DAGLA: variants seen among roughly 807,000 people sequenced by gnomAD.
DAGLA encodes diacylglycerol lipase-alpha.
DAGLA carries 22 observed loss-of-function variants against 102.6 expected under a neutral mutation model. The observed-to-expected ratio is 0.21, with a 90% CI of 0.15 to 0.31. DAGLA has a LOEUF of 0.31. DAGLA is among the 10% of genes least tolerant of loss of function. The probability of loss-of-function intolerance (pLI) is 1.00; values close to 1 mark genes in which losing one functional copy is unlikely to be tolerated. For missense variants in DAGLA, 927 were observed against 1,446.6 expected (o/e 0.64, Z 5.83); for synonymous variants, 578 against 628.9 (o/e 0.92, Z 1.21).
intron 2 of DAGLA, 95 bp from the exon 3 acceptor site, chr11:61,720,584 C>A (rs965856090): frequency 8.5e-7 from 1 of 1,175,606 alleles, no homozygotes; most frequent in Admixed American, 1.9e-5. Context: ...AGCCCTCCTT[C>A]CACTGAATCT....
chr11:61,715,946 G>T (rs541385259), intron 1 of DAGLA, among the ~76,000 whole-genome samples: 6 of 152,224 alleles, frequency 3.9e-5, no homozygotes, highest in Non-Finnish European at 5.9e-5. Context: ...AGCCAGAGGG[G>T]GGGGAGAGGG....
At chr11:61,738,036 CA>C in intron 15 of DAGLA, 98 bp from the exon 16 acceptor site, 1 of 954,378 alleles carries the variant, frequency 1.0e-6, no homozygotes, top group Non-Finnish European at 1.6e-6. Flanking sequence ...CTTCTTGTTC[CA>C]GGGGCTAGGC....
intron 16 of DAGLA, among the ~76,000 whole-genome samples, chr11:61,738,538 G>A (rs560017370): frequency 6.6e-6 from 1 of 152,354 alleles, no homozygotes; most frequent in East Asian, 1.9e-4. Flanking sequence ...AGGAGAAAGC[G>A]ATCTGGAGGC....
At chr11:61,681,169 A>G (rs1321707185) in intron 1 of DAGLA, among the ~76,000 whole-genome samples, 1 of 152,136 alleles carries the variant, frequency 6.6e-6, no homozygotes, top group African/African-American at 2.4e-5. Context: ...CGGGCGATGA[A>G]GGGGACACTG....
intron 15 of DAGLA, 65 bp downstream of exon 15, chr11:61,737,820 C>G (rs1456661083): frequency 2.2e-6 from 3 of 1,351,348 alleles, no homozygotes; most frequent in South Asian, 2.3e-5. Flanking sequence ...AGGCCTCTCC[C>G]CACCCCCAGC....
At chr11:61,720,923 G>A in intron 3 of DAGLA, 33 bp downstream of exon 3, 1 of 1,590,590 alleles carries the variant, frequency 6.3e-7, no homozygotes, top group Non-Finnish European at 8.6e-7. Flanking sequence ...TGCTGCCCCA[G>A]ACAACTCCCA....
intron 12 of DAGLA, among the ~76,000 whole-genome samples, 200 bp downstream of exon 12, chr11:61,736,016 A>G (rs1271263532): frequency 1.3e-5 from 2 of 152,140 alleles, no homozygotes; most frequent in African/African-American, 4.8e-5. Context: ...GAGCCTGACC[A>G]TGGAAGAACC....
intron 12 of DAGLA, 118 bp downstream of exon 12, chr11:61,735,934 C>A: frequency 9.9e-7 from 1 of 1,008,608 alleles, no homozygotes; most frequent in South Asian, 1.6e-5. Context: ...AGAGATTGGT[C>A]AGAGAGGCAT....
At chr11:61,743,376 A>G (rs919916172) in intron 19 of DAGLA, among the ~76,000 whole-genome samples, 156 bp from the exon 20 acceptor site, 2 of 151,998 alleles carry the variant, frequency 1.3e-5, no homozygotes, top group African/African-American at 4.8e-5. Context: ...AAAAAAAAAA[A>G]AAAAAGAAAA....
intron 18 of DAGLA, 127 bp downstream of exon 18, chr11:61,740,719 A>T (rs2065470587): frequency 2.4e-6 from 3 of 1,274,046 alleles, no homozygotes; most frequent in East Asian, 4.7e-5. Context: ...AGAAGTAGGT[A>T]GCTGGGCCAG....
intron 1 of DAGLA, among the ~76,000 whole-genome samples, chr11:61,713,615 C>T (rs751927505): frequency 4.6e-5 from 7 of 152,252 alleles, no homozygotes; most frequent in South Asian, 2.1e-4. Flanking sequence ...AATCTCACCA[C>T]GACCAAAGCC....
chr11:61,732,811 A>G (rs1029884293), intron 9 of DAGLA, among the ~76,000 whole-genome samples: 1 of 152,158 alleles, frequency 6.6e-6, no homozygotes, highest in African/African-American at 2.4e-5. Flanking sequence ...CAGCCTGGCC[A>G]GAGGGAGAAG....
Position 61,735,825 on chromosome 11 carries a change from C to T in DAGLA, c.1290+9C>T, listed in dbSNP as rs199961001. On this transcript the variant is annotated intron_variant, in intron 12 of 19. Coordinates refer to ENST00000257215, the MANE Select transcript of DAGLA (RefSeq NM_006133.3). ...CCTGGCTGGGCCACAAGGTAACCCACGTCATGGACCCCAGGGCCCCTGGGC... is the reference window on the plus strand; with the variant it reads ...CCTGGCTGGGCCACAAGGTAACCCATGTCATGGACCCCAGGGCCCCTGGGC... 1.2e-5 allele frequency: 20 copies of T among 1,604,214 alleles called. No individual in the cohort carries two copies. Among genetic ancestry groups the T allele is most frequent in the African/African-American group, 5.3e-5 (4 of 74,816 alleles).
intron 1 of DAGLA, among the ~76,000 whole-genome samples, chr11:61,687,861 G>C (rs146929127): frequency 1.1e-4 from 16 of 152,046 alleles, no homozygotes; most frequent in African/African-American, 3.6e-4. Flanking sequence ...GGCCTGGAGT[G>C]TTCCTGGCTC....
chr11:61,737,597 G>A (rs1171978836), intron 14 of DAGLA, 90 bp from the exon 15 acceptor site: 3 of 1,289,014 alleles, frequency 2.3e-6, no homozygotes, highest in Admixed American at 3.4e-5. Context: ...GAGTGCAGGA[G>A]CAGGGCTTGC....
At position 61,723,354 on chromosome 11, in the gene DAGLA, A is replaced by G. The variant is rs901968271; in HGVS notation, c.410-80A>G. On this transcript the variant is annotated intron_variant, in intron 4 of 19. Transcript: ENST00000257215. ...AAGCATTTGGGGTTAGGGAGGCTCC[A>G]ATGTCCCTTTCTTCAGAGCGGGTGA... 4 of 1,556,868 alleles carry G rather than the reference A, an allele frequency of 2.6e-6. No individual in the cohort carries two copies. The African/African-American group carries it at 5.4e-5, about 21-fold the overall frequency.
At chr11:61,737,468 G>T in intron 14 of DAGLA, 144 bp downstream of exon 14, 1 of 1,237,678 alleles carries the variant, frequency 8.1e-7, no homozygotes. Context: ...GAGGGTGGGG[G>T]CTCTGAAATG....
chr11:61,735,741 T>C lies in DAGLA; in HGVS notation c.1215T>C (p.Asp405=), dbSNP rs145267375. ...ISIRGTLSPK[D]ALTDLTGDAE... is the part of the protein sequence containing the mutation. ...CACCTGTCTCCTCTCTCCCCAAGGA[T>C]GCCCTGACTGACCTGACGGGTGATG... Residue 405 remains aspartate (D), a splice_region_variant and synonymous_variant, in exon 12 of 20, where the codon GAT becomes GAC. Coordinates refer to ENST00000257215, the MANE Select transcript of DAGLA (RefSeq NM_006133.3). 1.3e-4 allele frequency: 208 copies of C among 1,613,528 alleles called. No homozygotes were observed. In the African/African-American group the frequency reaches 2.5e-3, roughly 19 times the overall value.
intron 1 of DAGLA, among the ~76,000 whole-genome samples, chr11:61,708,228 G>C (rs1256556682): frequency 1.3e-5 from 2 of 152,144 alleles, no homozygotes; most frequent in African/African-American, 2.4e-5. Flanking sequence ...GGCTGGTCTC[G>C]ATCTCCTGGC....
Sources: gnomAD v4.1 joint callset for allele counts (sites outside exome capture counted in the v4.1 genomes callset) on GRCh38, gnomAD v4.1.1 for gene constraint, MANE v1.5 for transcripts, NCBI Gene and HGNC (gene_info 2026-07-23, HGNC 2026-07-21) for gene names.